The following NLN variants were observed in gnomAD, a reference collection of about 807,000 sequenced individuals.
NLN encodes the protein neurolysin.
NLN carries 64 observed loss-of-function variants against 79.9 expected under a neutral mutation model. The ratio of observed to expected loss-of-function variants is 0.80; its 90% CI spans 0.65 to 0.99. The LOEUF (loss-of-function observed/expected upper bound fraction) is 0.99. NLN is among the 50% of genes least tolerant of loss of function. NLN has a pLI of 0.00. For synonymous variants in NLN, 267 were observed against 296.6 expected (o/e 0.90, Z 1.02); for missense variants, 835 against 858.7 (o/e 0.97, Z 0.34).
chr5:65,731,011 G>A (rs1332262767), intron 1 of NLN, among the ~76,000 whole-genome samples: 1 of 152,198 alleles, frequency 6.6e-6, no homozygotes, highest in Non-Finnish European at 1.5e-5. Context: ...TTTTGGCTGG[G>A]CAGTTTTTCT....
intron 6 of NLN, among the ~76,000 whole-genome samples, chr5:65,783,422 G>A (rs1759848447): frequency 6.6e-6 from 1 of 152,134 alleles, no homozygotes; most frequent in African/African-American, 2.4e-5. Flanking sequence ...TTCACAGCCA[G>A]CAAGGCAAAG....
intron 1 of NLN, among the ~76,000 whole-genome samples, chr5:65,753,405 T>C (rs1412096279): frequency 2.0e-5 from 3 of 152,120 alleles, no homozygotes; most frequent in African/African-American, 7.2e-5. Flanking sequence ...TCTCAACACA[T>C]TGGAAGGCCA....
intron 3 of NLN, among the ~76,000 whole-genome samples, chr5:65,765,005 G>A (rs186452969): frequency 2.2e-4 from 33 of 152,152 alleles, no homozygotes; most frequent in African/African-American, 7.9e-4. Context: ...GTACCTAAAG[G>A]GCAAAATCAG....
In NLN at chr5:65,828,179, A is replaced by G. The variant is rs1267139237; in HGVS notation, c.*5264A>G. 2 of 152,232 alleles carry G rather than the reference A, an allele frequency of 1.3e-5. No homozygotes were observed. Among genetic ancestry groups the G allele is most frequent in the Non-Finnish European group, 2.9e-5 (2 of 68,072 alleles). The allele number at this position is 152,232 out of a possible 1,614,324, so 9.4% of individuals were successfully genotyped here. A position where few individuals can be genotyped will look rare whatever the true frequency, so the allele number is the denominator to read the frequency against. On this transcript the variant is annotated 3_prime_UTR_variant, in exon 13 of 13. Transcript: ENST00000380985. ...CAGTTTTATTTGGCCAAATTCCAAT[A>G]TCAGCTCATGGTACAGCACACCGGG...
intron 1 of NLN, among the ~76,000 whole-genome samples, chr5:65,746,634 GT>G (rs1189857563): frequency 6.6e-6 from 1 of 152,088 alleles, no homozygotes; most frequent in Non-Finnish European, 1.5e-5. Flanking sequence ...GGAAGTTTTT[GT>G]TTTTTTACTT....
rs1759976465 is a variant in NLN at position 65,788,156 on chromosome 5, G to A, written c.997G>A (p.Glu333Lys). ...SQKLKPLGEA[E>K]REFILNLKKK... ...GAAGTTAAAACCCTTGGGTGAAGCA[G>A]AACGAGAGTTTATTTTGAATTTGAA... The change falls in exon 8 of 13, where the codon GAA (glutamate) becomes AAA (lysine). Residue 333 changes from glutamate (E) to lysine (K), a missense_variant. Physicochemically the swap from Glu to Lys is moderately conservative, Grantham distance 56 (BLOSUM62 1). Coordinates refer to ENST00000380985, the MANE Select transcript of NLN (RefSeq NM_020726.5). 3 of 1,614,096 alleles carry A rather than the reference G, an allele frequency of 1.9e-6. No homozygotes were observed. In the East Asian group the frequency reaches 6.7e-5, roughly 36 times the overall value.
At chr5:65,762,871 A>G (rs1197425528) in intron 2 of NLN, 89 bp from the exon 3 acceptor site, 2 of 1,245,946 alleles carry the variant, frequency 1.6e-6, no homozygotes, top group Non-Finnish European at 2.3e-6. Context: ...TTTTATTGGC[A>G]TGATCATTCA....
chr5:65,819,798 CA>C (rs768622297), intron 12 of NLN, among the ~76,000 whole-genome samples: 1 of 152,152 alleles, frequency 6.6e-6, no homozygotes, highest in African/African-American at 2.4e-5. Flanking sequence ...TTCTCTCACA[CA>C]AAAGAGCCTG....
chr5:65,808,957 T>C (rs913262191), intron 9 of NLN, among the ~76,000 whole-genome samples: 6 of 152,230 alleles, frequency 3.9e-5, no homozygotes, highest in Admixed American at 1.3e-4. Context: ...AAGTCTATAA[T>C]GTTGTGATTT....
chr5:65,804,404 T>C (rs553396368), intron 9 of NLN, among the ~76,000 whole-genome samples: 2 of 152,386 alleles, frequency 1.3e-5, no homozygotes, highest in South Asian at 4.1e-4. Flanking sequence ...ACTTCACAGA[T>C]ATTTTGTTTT....
chr5:65,766,284 C>T (rs1324189953), intron 3 of NLN, among the ~76,000 whole-genome samples: 1 of 152,188 alleles, frequency 6.6e-6, no homozygotes, highest in African/African-American at 2.4e-5. Context: ...GTTTAATTGA[C>T]TCACAGTTCC....
At chr5:65,771,529 T>TTTATTTTTTTTTTTATTTATAA (rs1759565063) in intron 3 of NLN, among the ~76,000 whole-genome samples, 1 of 152,244 alleles carries the variant, frequency 6.6e-6, no homozygotes, top group Admixed American at 6.5e-5. Flanking sequence ...TATTGTAATA[T>TTTATTTTTTTTTTTATTTATAA]TGTTTATTTA....
chr5:65,765,442 C>T (rs555075118), intron 3 of NLN, among the ~76,000 whole-genome samples: 4 of 152,192 alleles, frequency 2.6e-5, no homozygotes, highest in South Asian at 4.2e-4. Flanking sequence ...TGCTTGAACC[C>T]GGGAGGTGGA....
intron 3 of NLN, among the ~76,000 whole-genome samples, chr5:65,774,936 G>A (rs1430539044): frequency 6.6e-6 from 1 of 151,902 alleles, no homozygotes; most frequent in African/African-American, 2.4e-5. Context: ...TGTTGGCCAT[G>A]CTGGTCTCGA....
intron 1 of NLN, chr5:65,733,027 T>A (rs1312968777): frequency 8.6e-7 from 1 of 1,166,566 alleles, no homozygotes; most frequent in East Asian, 2.4e-5. Context: ...AAGTTTACCA[T>A]TGAGATGATT....
chr5:65,817,946 TTTAA>T (rs1212007558), intron 12 of NLN, among the ~76,000 whole-genome samples: 1 of 152,246 alleles, frequency 6.6e-6, no homozygotes, highest in African/African-American at 2.4e-5. Flanking sequence ...TACAAATGGC[TTTAA>T]TTCTCTTCTC....
chr5:65,816,822 T>A (rs1760681395), intron 12 of NLN, among the ~76,000 whole-genome samples: 1 of 152,194 alleles, frequency 6.6e-6, no homozygotes, highest in African/African-American at 2.4e-5. Flanking sequence ...CAGACTTTGT[T>A]GTCTCACCCT....
At position 65,812,307 on chromosome 5, in the gene NLN, A is replaced by G. The variant is rs1050416394; in HGVS notation, c.1896A>G (p.Gln632=). The change falls in exon 12 of 13, where the codon CAA becomes CAG. Residue 632 remains glutamine (Q), a synonymous_variant. Coordinates refer to ENST00000380985, the MANE Select transcript of NLN (RefSeq NM_020726.5). The part of the protein sequence containing the change: ...FGHLAGGYDG[Q]YYGYLWSEVF... ...ATTTGGCAGGGGGATACGATGGCCAATATTATGGATATCTTTGGAGTGAAG... is the reference window on the plus strand; with the variant it reads ...ATTTGGCAGGGGGATACGATGGCCAGTATTATGGATATCTTTGGAGTGAAG... 1.2e-6 allele frequency: 2 copies of G among 1,606,012 alleles called. No homozygotes were observed. Among genetic ancestry groups the G allele is most frequent in the Admixed American group, 1.7e-5 (1 of 60,012 alleles).
chr5:65,751,750 T>C (rs965914964), intron 1 of NLN, among the ~76,000 whole-genome samples: 1 of 152,222 alleles, frequency 6.6e-6, no homozygotes, highest in African/African-American at 2.4e-5. Flanking sequence ...AGAATAACTA[T>C]GGCATACTTA....
Sources: allele counts gnomAD v4.1 joint callset (sites outside exome capture counted in the v4.1 genomes callset), GRCh38; gene constraint gnomAD v4.1.1; transcripts MANE v1.5; gene names NCBI Gene and HGNC (gene_info 2026-07-23, HGNC 2026-07-21).